Variants in DPF3 observed in about 807,000 individuals in gnomAD.
The protein encoded by DPF3 is zinc finger protein DPF3.
Under a neutral mutation model 56.8 loss-of-function variants are expected in DPF3, and 18 were observed. That is an observed-to-expected ratio of 0.32 (90% CI 0.22 to 0.47). The LOEUF (loss-of-function observed/expected upper bound fraction) is 0.47. Among genes scored for constraint, DPF3 ranks in the 20% least tolerant of loss-of-function variants. The pLI is 1.00. For synonymous variants in DPF3, 188 were observed against 180.2 expected (o/e 1.04, Z -0.35); for missense variants, 403 against 488.8 (o/e 0.82, Z 1.65).
intron 1 of DPF3, among the ~76,000 whole-genome samples, chr14:72,798,632 G>A (rs1352732274): frequency 1.3e-5 from 2 of 152,196 alleles, no homozygotes; most frequent in Non-Finnish European, 2.9e-5. Context: ...GGCTGCAGCA[G>A]GGGCTGCCAG....
intron 1 of DPF3, among the ~76,000 whole-genome samples, chr14:72,784,408 G>A (rs897066593): frequency 3.9e-5 from 6 of 152,094 alleles, no homozygotes; most frequent in Non-Finnish European, 7.4e-5. Context: ...CCAGGATAAC[G>A]ACAAAGGATA....
intron 1 of DPF3, among the ~76,000 whole-genome samples, chr14:72,789,007 C>G (rs1283233606): frequency 1.3e-5 from 2 of 152,206 alleles, no homozygotes; most frequent in African/African-American, 2.4e-5. Flanking sequence ...TTCCTATCCC[C>G]AGTCCAGCCC....
chr14:72,798,507 AAG>A (rs771326966), intron 1 of DPF3, among the ~76,000 whole-genome samples: 2 of 152,176 alleles, frequency 1.3e-5, no homozygotes, highest in Non-Finnish European at 2.9e-5. Flanking sequence ...GCTCAATCCA[AAG>A]AGAGCTGGTA....
intron 7 of DPF3, 122 bp from the exon 8 acceptor site, chr14:72,674,490 G>T: frequency 7.1e-7 from 1 of 1,406,634 alleles, no homozygotes; most frequent in Non-Finnish European, 9.4e-7. Context: ...TTATAACCAA[G>T]TTGGCAAATT....
chr14:72,816,392 TG>T (rs1883286754), intron 1 of DPF3, among the ~76,000 whole-genome samples: 1 of 152,238 alleles, frequency 6.6e-6, no homozygotes, highest in East Asian at 1.9e-4. Context: ...ATGAGTCTAA[TG>T]GTGCAGATAT....
At chr14:72,665,785 G>A (rs1201091082) in intron 8 of DPF3, among the ~76,000 whole-genome samples, 2 of 152,214 alleles carry the variant, frequency 1.3e-5, no homozygotes, top group East Asian at 1.9e-4. Flanking sequence ...GCATTGCATC[G>A]ATGTGAATTT....
chr14:72,794,583 AG>A (rs1306830992), intron 1 of DPF3, among the ~76,000 whole-genome samples: 1 of 152,142 alleles, frequency 6.6e-6, no homozygotes, highest in Non-Finnish European at 1.5e-5. Context: ...AAGTGGGTCA[AG>A]GGCATCCATT....
intron 8 of DPF3, among the ~76,000 whole-genome samples, chr14:72,668,275 CACTT>C (rs1886520869): frequency 6.6e-6 from 1 of 152,214 alleles, no homozygotes; most frequent in Non-Finnish European, 1.5e-5. Context: ...CAACTTAACT[CACTT>C]AACCTCTCTG....
intron 8 of DPF3, among the ~76,000 whole-genome samples, chr14:72,647,670 G>C (rs1469957546): frequency 6.6e-6 from 1 of 152,206 alleles, no homozygotes. Flanking sequence ...ATGAAGCTTT[G>C]AGTATCTTTG....
intron 1 of DPF3, chr14:72,892,503 C>A (rs1237878108): frequency 1.4e-6 from 2 of 1,414,474 alleles, no homozygotes; most frequent in Non-Finnish European, 1.8e-6. Context: ...GGCCTTCCTA[C>A]CCCTTTCCCT....
chr14:72,737,218 A>C (rs1208861751), intron 3 of DPF3, among the ~76,000 whole-genome samples: 82 of 151,860 alleles, frequency 5.4e-4, no homozygotes, highest in Non-Finnish European at 8.8e-4. Context: ...AACAAAAAAA[A>C]CCACACACAC....
chr14:72,648,063 ACT>A (rs1462437248), intron 8 of DPF3, among the ~76,000 whole-genome samples: 1 of 151,764 alleles, frequency 6.6e-6, no homozygotes, highest in East Asian at 1.9e-4. Flanking sequence ...CTCTTCACCT[ACT>A]CTTGGCCTAT....
chr14:72,714,278 G>T, intron 6 of DPF3, 145 bp downstream of exon 6: 1 of 1,015,522 alleles, frequency 9.8e-7, no homozygotes, highest in Non-Finnish European at 1.4e-6. Flanking sequence ...GGTGGAGGCG[G>T]CAGGCGAGTA....
chr14:72,851,106 C>G (rs1884966626), intron 1 of DPF3, among the ~76,000 whole-genome samples: 1 of 152,196 alleles, frequency 6.6e-6, no homozygotes, highest in East Asian at 1.9e-4. Flanking sequence ...TGCTGAGAAA[C>G]AAGTTCCTAA....
chr14:72,644,466 G>T (rs183746786), intron 8 of DPF3, among the ~76,000 whole-genome samples: 6 of 152,346 alleles, frequency 3.9e-5, no homozygotes, highest in Admixed American at 6.5e-5. Context: ...AGCTAGAGGG[G>T]ATGATTTTTA....
intron 2 of DPF3, among the ~76,000 whole-genome samples, chr14:72,757,095 A>AAGGGAGAG (rs1185274003): frequency 1.0e-5 from 1 of 97,476 alleles, no homozygotes; most frequent in Non-Finnish European, 1.9e-5. Flanking sequence ...GGAAGGGAGG[A>AAGGGAGAG]AGGGAGAGAG....
At position 72,704,973 on chromosome 14, in the gene DPF3, C is replaced by T. The variant is rs189416547; in HGVS notation, c.604+9450G>A. Reference sequence around the variant, plus strand: ...GCTTCAGGCTTTCCTCCCTGAACACCGAATCCTACAGATCAACCTTCCTAG... The same window carrying T: ...GCTTCAGGCTTTCCTCCCTGAACACTGAATCCTACAGATCAACCTTCCTAG... On this transcript the variant is annotated intron_variant, in intron 6 of 10. Transcript: ENST00000556509. 8.7e-4 allele frequency among the ~76,000 whole-genome samples: 133 copies of T among 152,266 alleles called. 1 individual carries two copies. Among genetic ancestry groups the T allele is most frequent in the African/African-American group, 2.8e-3 (118 of 41,546 alleles).
intron 1 of DPF3, among the ~76,000 whole-genome samples, chr14:72,892,952 GA>G (rs1392516905): frequency 6.0e-5 from 1 of 16,572 alleles, no homozygotes; most frequent in Admixed American, 8.0e-4. Context: ...TGGAAGGAAG[GA>G]AGGAAGGAAG....
chr14:72,676,170 G>A (rs941081862), intron 7 of DPF3, among the ~76,000 whole-genome samples: 3 of 152,174 alleles, frequency 2.0e-5, no homozygotes, highest in Non-Finnish European at 2.9e-5. Context: ...ACTAAATTTA[G>A]GGGCTGAGGG....
Sources: allele counts gnomAD v4.1 joint callset (sites outside exome capture counted in the v4.1 genomes callset), GRCh38; gene constraint gnomAD v4.1.1; transcripts MANE v1.5; gene names NCBI Gene and HGNC (gene_info 2026-07-23, HGNC 2026-07-21).